SORBS2: variants seen among roughly 807,000 people sequenced by gnomAD.
SORBS2 encodes sorbin and SH3 domain containing 2.
Under a neutral mutation model 97.7 loss-of-function variants are expected in SORBS2, and 46 were observed. The observed-to-expected ratio is 0.47, with a 90% CI of 0.37 to 0.60. The LOEUF (loss-of-function observed/expected upper bound fraction) is 0.60. Ranked by LOEUF, SORBS2 falls within the 20% of genes least tolerant of loss-of-function variation. The probability of loss-of-function intolerance (pLI) is 0.00; values close to 1 mark genes in which losing one functional copy is unlikely to be tolerated. For missense variants in SORBS2, 1,316 were observed against 1,282.3 expected (o/e 1.03, Z -0.40); for synonymous variants, 476 against 473.4 (o/e 1.01, Z -0.07).
intron 1 of SORBS2, among the ~76,000 whole-genome samples, chr4:185,832,157 G>C (rs1323776891): frequency 1.3e-5 from 2 of 152,068 alleles, no homozygotes; most frequent in Non-Finnish European, 1.5e-5. Context: ...CATGATAGAT[G>C]GTTTCCCTAA....
chr4:185,658,709 T>TTTTTA (rs2097453141), upstream of SORBS2, among the ~76,000 whole-genome samples: 1 of 132,846 alleles, frequency 7.5e-6, no homozygotes. Context: ...TTTTTTTTTT[T>TTTTTA]GAGATGGAGT....
At chr4:185,835,558 C>G (rs1239599283) in intron 1 of SORBS2, among the ~76,000 whole-genome samples, 1 of 151,850 alleles carries the variant, frequency 6.6e-6, no homozygotes, top group Non-Finnish European at 1.5e-5. Context: ...AGTAAAAATT[C>G]CAGTGACAAT....
chr4:185,934,499 A>G (rs990703949), intron 1 of SORBS2, among the ~76,000 whole-genome samples: 1 of 152,096 alleles, frequency 6.6e-6, no homozygotes, highest in Non-Finnish European at 1.5e-5. Flanking sequence ...GGTGGCTCAC[A>G]CCTGTAATCC....
intron 2 of SORBS2, among the ~76,000 whole-genome samples, chr4:185,769,078 C>T (rs1175367439): frequency 5.7e-5 from 7 of 122,836 alleles, no homozygotes; most frequent in Non-Finnish European, 1.2e-4. Context: ...TCTTGTAGTA[C>T]CAGGGAAAAA....
At chr4:185,668,578 T>C (rs1272935973) in intron 4 of SORBS2, among the ~76,000 whole-genome samples, 3 of 152,264 alleles carry the variant, frequency 2.0e-5, no homozygotes, top group African/African-American at 7.2e-5. Flanking sequence ...ATATACCCTG[T>C]AGACCCAAGG....
At chr4:185,649,696 C>G in intron 2 of SORBS2, 40 bp from the exon 12 acceptor site, 1 of 1,257,350 alleles carries the variant, frequency 8.0e-7, no homozygotes, top group Non-Finnish European at 1.0e-6. Context: ...AAAACAGAAG[C>G]AAATCACCTC....
intron 2 of SORBS2, among the ~76,000 whole-genome samples, chr4:185,719,251 C>G (rs2098491821): frequency 6.6e-6 from 1 of 152,006 alleles, no homozygotes; most frequent in South Asian, 2.1e-4. Flanking sequence ...AAGTAAAAGT[C>G]ACAGCTCTGG....
intron 2 of SORBS2, among the ~76,000 whole-genome samples, chr4:185,700,459 A>AT (rs1186007049): frequency 6.6e-6 from 1 of 151,906 alleles, no homozygotes; most frequent in Non-Finnish European, 1.5e-5. Context: ...CTTGAGGTTT[A>AT]TTTTTTTCTT....
intron 2 of SORBS2, among the ~76,000 whole-genome samples, chr4:185,708,040 T>C (rs2098371668): frequency 6.6e-6 from 1 of 152,198 alleles, no homozygotes. Flanking sequence ...CCCATCTTTC[T>C]TCCCCTTGAA....
At chr4:185,864,063 T>C (rs1273923323) in intron 1 of SORBS2, among the ~76,000 whole-genome samples, 1 of 152,260 alleles carries the variant, frequency 6.6e-6, no homozygotes, top group African/African-American at 2.4e-5. Context: ...TGGCTAACTC[T>C]TGTGTTATAG....
rs565591773 is a variant in SORBS2, at chr4:185,852,201, C to T, written c.-337-76835G>A. ...AGGGCACTCTCTAAAACTGTAAATTCGGCTCCTATTTTTTACATTCTAACA... is the reference window on the plus strand; with the variant it reads ...AGGGCACTCTCTAAAACTGTAAATTTGGCTCCTATTTTTTACATTCTAACA... On this transcript the variant is annotated intron_variant, in intron 1 of 20. Transcript: ENST00000284776. 8.7e-4 allele frequency among the ~76,000 whole-genome samples: 133 copies of T among 152,260 alleles called. 1 individual carries two copies. Among genetic ancestry groups the T allele is most frequent in the African/African-American group, 3.0e-3 (126 of 41,546 alleles).
chr4:185,808,648 T>C (rs768529550), intron 1 of SORBS2, among the ~76,000 whole-genome samples: 1 of 152,210 alleles, frequency 6.6e-6, no homozygotes, highest in African/African-American at 2.4e-5. Flanking sequence ...ACGTAACTAG[T>C]GATTTCCAGT....
chr4:185,842,169 G>A (rs1253412617), intron 1 of SORBS2, among the ~76,000 whole-genome samples: 4 of 152,232 alleles, frequency 2.6e-5, no homozygotes, highest in African/African-American at 9.6e-5. Context: ...TATGAAAGAC[G>A]ATGTGTAGGT....
intron 4 of SORBS2, chr4:185,677,510 G>A (rs1224358056): frequency 6.4e-7 from 1 of 1,551,402 alleles, no homozygotes; most frequent in South Asian, 1.2e-5. Flanking sequence ...GAGGTTTTTT[G>A]TTAGCAAAGT....
At chr4:185,734,314 C>T (rs376484987) in intron 2 of SORBS2, among the ~76,000 whole-genome samples, 160 bp from the exon 3 acceptor site, 49 of 152,226 alleles carry the variant, frequency 3.2e-4, no homozygotes, top group African/African-American at 1.1e-3. Context: ...ACAAACACCG[C>T]GGAAAGGAAA....
At chr4:185,611,912 G>T (rs1222319076) in exon 12 of SORBS2, 2 of 1,613,952 alleles carry the variant, frequency 1.2e-6, no homozygotes, top group Non-Finnish European at 1.7e-6. Flanking sequence ...TGCCTTGTCT[G>T]TTGGTTCCTG....
chr4:185,772,365 A>G (rs571833343), intron 2 of SORBS2: 4 of 152,140 alleles, frequency 2.6e-5, no homozygotes, highest in Non-Finnish European at 5.9e-5. Flanking sequence ...CCCTTGGAGT[A>G]TATCAGTTGA....
intron 1 of SORBS2, among the ~76,000 whole-genome samples, chr4:185,842,343 T>C (rs1460269990): frequency 6.6e-6 from 1 of 152,190 alleles, no homozygotes; most frequent in Non-Finnish European, 1.5e-5. Flanking sequence ...TGGAGGTCCA[T>C]GTGACTAGAG....
chr4:185,747,608 T>C (rs946624618), intron 2 of SORBS2, among the ~76,000 whole-genome samples: 4 of 152,162 alleles, frequency 2.6e-5, no homozygotes, highest in African/African-American at 9.7e-5. Flanking sequence ...TGCTCCCCAC[T>C]GTGGCCCTGG....
Sources: gnomAD v4.1 joint callset for allele counts (sites outside exome capture counted in the v4.1 genomes callset) on GRCh38, gnomAD v4.1.1 for gene constraint, MANE v1.5 for transcripts, NCBI Gene and HGNC (gene_info 2026-07-23, HGNC 2026-07-21) for gene names.